Variants in TBX21 observed in about 807,000 individuals in gnomAD.
The protein encoded by TBX21 is T-box transcription factor TBX21.
TBX21 carries 11 observed loss-of-function variants against 52.2 expected under a neutral mutation model. That is an observed-to-expected ratio of 0.21 (90% CI 0.13 to 0.35). TBX21 has a LOEUF of 0.35. Among genes scored for constraint, TBX21 ranks in the 10% least tolerant of loss-of-function variants. The probability of loss-of-function intolerance (pLI) is 1.00; values close to 1 mark genes in which losing one functional copy is unlikely to be tolerated. For synonymous variants in TBX21, 300 were observed against 316.1 expected (o/e 0.95, Z 0.54); for missense variants, 625 against 755.1 (o/e 0.83, Z 2.02).
chr17:47,741,153 G>T (rs1433128422), intron 1 of TBX21, among the ~76,000 whole-genome samples: 1 of 152,100 alleles, frequency 6.6e-6, no homozygotes, highest in Non-Finnish European at 1.5e-5. Flanking sequence ...GGTGGTGGTT[G>T]TAGTGACGGT....
At chr17:47,744,135 G>A (rs1239363251) in intron 3 of TBX21, 60 bp from the exon 4 acceptor site, 2 of 1,584,996 alleles carry the variant, frequency 1.3e-6, no homozygotes, top group South Asian at 1.1e-5. Flanking sequence ...GTTGGTGGGG[G>A]TGATGGGATC....
chr17:47,735,907 G>A (rs568124331), intron 1 of TBX21, among the ~76,000 whole-genome samples: 1 of 152,322 alleles, frequency 6.6e-6, no homozygotes, highest in South Asian at 2.1e-4. Context: ...CCTCTGCCAG[G>A]CCTCTGCCTC....
At chr17:47,737,833 C>T (rs916035352) in intron 1 of TBX21, among the ~76,000 whole-genome samples, 2 of 152,082 alleles carry the variant, frequency 1.3e-5, no homozygotes, top group Non-Finnish European at 2.9e-5. Context: ...GCCATGTTGG[C>T]CAGGCTGGTC....
chr17:47,735,149 C>A (rs1310832615), intron 1 of TBX21, among the ~76,000 whole-genome samples: 1 of 151,862 alleles, frequency 6.6e-6, no homozygotes, highest in African/African-American at 2.4e-5. Context: ...AAACGTGGGG[C>A]TTGGGGTGGA....
At chr17:47,739,196 T>G (rs997424269) in intron 1 of TBX21, among the ~76,000 whole-genome samples, 1 of 152,166 alleles carries the variant, frequency 6.6e-6, no homozygotes, top group African/African-American at 2.4e-5. Context: ...CAAAGTGTCA[T>G]GTAAATCAGG....
At position 47,745,211 on chromosome 17, in the gene TBX21, C is replaced by T. The variant is rs751496463; in HGVS notation, c.1453C>T (p.Pro485Ser). 2.5e-6 allele frequency: 4 copies of T among 1,614,102 alleles called. No individual in the cohort carries two copies. The African/African-American group carries it at 5.3e-5, about 22-fold the overall frequency. Residue 485 changes from proline to serine, a missense_variant, in exon 6 of 6, where the codon CCG becomes TCG. Coordinates refer to ENST00000177694, the MANE Select transcript of TBX21 (RefSeq NM_013351.2). Reference sequence around the variant, plus strand: ...GTGGACTGAGATTGCCCCCATCCGGCCGGAATCCAGTGATTCAGGACTGGG... The same window carrying T: ...GTGGACTGAGATTGCCCCCATCCGGTCGGAATCCAGTGATTCAGGACTGGG... ...LVWTEIAPIR[P>S]ESSDSGLGEG...
chr17:47,739,246 T>C (rs780268700), intron 1 of TBX21, among the ~76,000 whole-genome samples: 3 of 152,190 alleles, frequency 2.0e-5, no homozygotes, highest in Non-Finnish European at 4.4e-5. Flanking sequence ...TTCTAGACTT[T>C]TAGGGAGAAA....
chr17:47,737,131 G>A (rs944228116), intron 1 of TBX21, among the ~76,000 whole-genome samples: 1 of 152,198 alleles, frequency 6.6e-6, no homozygotes, highest in African/African-American at 2.4e-5. Context: ...CCCAGTAGGA[G>A]ACTTTGGTGT....
At chr17:47,740,017 C>T (rs1412915197) in intron 1 of TBX21, among the ~76,000 whole-genome samples, 1 of 152,170 alleles carries the variant, frequency 6.6e-6, no homozygotes, top group Non-Finnish European at 1.5e-5. Flanking sequence ...CGTCACCAAA[C>T]CTCTCGGAGC....
chr17:47,740,168 C>T (rs903688256), intron 1 of TBX21, among the ~76,000 whole-genome samples: 7 of 151,754 alleles, frequency 4.6e-5, no homozygotes, highest in East Asian at 2.0e-4. Context: ...CAGGTTCAAG[C>T]GATTCTCCTT....
Position 47,744,771 on chromosome 17 carries a change from G to A in TBX21, c.1013G>A (p.Ser338Asn). ...FESMYTSVDT[S>N]IPSPPGPNCQ... ...AGCATGTACACATCTGTTGACACCAGCATCCCCTCCCCGCCTGGACCCAAC... is the reference window on the plus strand; with the variant it reads ...AGCATGTACACATCTGTTGACACCAACATCCCCTCCCCGCCTGGACCCAAC... The change falls in exon 6 of 6, where the codon AGC becomes AAC. Residue 338 changes from serine (S) to asparagine (N), a missense_variant. Physicochemically the swap from Ser to Asn is conservative, Grantham distance 46 (BLOSUM62 1). Transcript: ENST00000177694. 6.2e-7 allele frequency: 1 copy of A among 1,613,848 alleles called. No homozygotes were observed. The highest frequency in any genetic ancestry group is 1.7e-5 in the Admixed American group (1 of 60,004).
chr17:47,742,773 GC>G lies in TBX21; in HGVS notation c.646+13del. 6.4e-7 allele frequency: 1 copy of G among 1,555,484 alleles called. No homozygotes were observed. On this transcript the variant is annotated intron_variant, in intron 2 of 5. Transcript: ENST00000177694. The surrounding 1 kb of genome is among the most constrained non-coding windows in gnomAD (Gnocchi z 4.4). Reference sequence around the variant, plus strand: ...CGAGGGCAGCATGCCAGGTGCGCGCGCCCCTGGGAGCGGTGGGCTCTGTTTC... The same window carrying G: ...CGAGGGCAGCATGCCAGGTGCGCGCGCCCTGGGAGCGGTGGGCTCTGTTTC...
chr17:47,734,075 C>A, intron 1 of TBX21, 130 bp downstream of exon 1: 1 of 1,465,622 alleles, frequency 6.8e-7, no homozygotes, highest in Non-Finnish European at 9.3e-7. Flanking sequence ...CGTAGGGAGA[C>A]AGGGGAATGG....
intron 1 of TBX21, among the ~76,000 whole-genome samples, chr17:47,734,995 G>C (rs762738659): frequency 9.9e-5 from 15 of 152,086 alleles, no homozygotes; most frequent in Non-Finnish European, 2.1e-4. Flanking sequence ...CCCCGGAGTG[G>C]ACTGTGTCTG....
At chr17:47,740,431 A>G (rs917055720) in intron 1 of TBX21, among the ~76,000 whole-genome samples, 7 of 151,812 alleles carry the variant, frequency 4.6e-5, no homozygotes, top group African/African-American at 1.7e-4. Context: ...CTCCATTTAC[A>G]TGTGAAGAAA....
In TBX21 at chr17:47,742,133, G is replaced by A. The variant is rs996748918; in HGVS notation, c.492-477G>A. On this transcript the variant is annotated intron_variant, in intron 1 of 5. Coordinates refer to ENST00000177694, the MANE Select transcript of TBX21 (RefSeq NM_013351.2). This position sits in a 1 kb window ranked among gnomAD's most constrained non-coding sequence, Gnocchi z 4.4. ...CATCCAGGCTGGAGGGCAGTGGCGCGATCTCAGCTCACTGTAACCTCTGCC... is the reference window on the plus strand; with the variant it reads ...CATCCAGGCTGGAGGGCAGTGGCGCAATCTCAGCTCACTGTAACCTCTGCC... Among the ~76,000 whole-genome samples, 5 of 151,088 alleles carry A rather than the reference G, an allele frequency of 3.3e-5. No homozygotes were observed. Among genetic ancestry groups the A allele is most frequent in the African/African-American group, 1.2e-4 (5 of 41,026 alleles).
At position 47,743,051 on chromosome 17, in the gene TBX21, A is replaced by T; in HGVS notation, c.647-20A>T. On this transcript the variant is annotated intron_variant, in intron 2 of 5. Coordinates refer to ENST00000177694, the MANE Select transcript of TBX21 (RefSeq NM_013351.2). ...GTTCTGTCCCGGGGGCTGCATGTCA[A>T]AGAGGTGAACTGTCCACAGGAAACC... 1 of 1,613,618 alleles carries T rather than the reference A, an allele frequency of 6.2e-7. No homozygotes were observed. Among genetic ancestry groups the T allele is most frequent in the Non-Finnish European group, 8.5e-7 (1 of 1,179,816 alleles).
chr17:47,744,650 A>T, intron 5 of TBX21, 98 bp from the exon 6 acceptor site: 1 of 1,601,776 alleles, frequency 6.2e-7, no homozygotes, highest in Non-Finnish European at 8.5e-7. Flanking sequence ...TGGGCAGGCC[A>T]GGGAAGGAGG....
rs1006587099 is a variant in TBX21, at chr17:47,745,132, C to T, written c.1374C>T (p.Pro458=). The T allele has an allele frequency of 9.9e-6, 16 of 1,614,064 alleles. No homozygotes were observed. The highest frequency in any genetic ancestry group is 2.2e-5 in the East Asian group (1 of 44,896). ...FRPMRTLPME[P]GPGGSEGRGP... is the part of the protein sequence containing the mutation. ...CTATGCGGACTCTGCCCATGGAACC[C>T]GGCCCTGGAGGCTCAGAGGGACGGG... is the stretch of plus-strand genomic sequence containing the variant. Residue 458 remains proline (P), a synonymous_variant, in exon 6 of 6, where the codon CCC becomes CCT. Transcript: ENST00000177694.
Sources: allele counts gnomAD v4.1 joint callset (sites outside exome capture counted in the v4.1 genomes callset), GRCh38; gene constraint gnomAD v4.1.1; non-coding constraint Gnocchi (gnomAD v3.1); transcripts MANE v1.5; gene names NCBI Gene and HGNC (gene_info 2026-07-23, HGNC 2026-07-21).